TMEM132B: variants seen among roughly 807,000 people sequenced by gnomAD.
TMEM132B encodes transmembrane protein 132B.
TMEM132B carries 18 observed loss-of-function variants against 90.8 expected under a neutral mutation model. The observed-to-expected ratio is 0.20, with a 90% confidence interval of 0.14 to 0.29. TMEM132B has a LOEUF of 0.29. TMEM132B is among the 10% of genes least tolerant of loss of function. TMEM132B has a pLI of 1.00. For missense variants in TMEM132B, 1,096 were observed against 1,326.8 expected (o/e 0.83, Z 2.70); for synonymous variants, 504 against 523.3 (o/e 0.96, Z 0.50).
At chr12:125,252,846 G>A (rs1242258729) in intron 1 of TMEM132B, among the ~76,000 whole-genome samples, 1 of 152,146 alleles carries the variant, frequency 6.6e-6, no homozygotes, top group Non-Finnish European at 1.5e-5. Context: ...GCACTCGCTG[G>A]GGAAAAGCTC....
At chr12:125,338,353 C>G (rs904796505) in intron 1 of TMEM132B, among the ~76,000 whole-genome samples, 3 of 152,226 alleles carry the variant, frequency 2.0e-5, no homozygotes. Flanking sequence ...TGCACAGTGG[C>G]TGCTCTGTCA....
intron 2 of TMEM132B, among the ~76,000 whole-genome samples, chr12:125,370,574 T>C (rs1255465771): frequency 1.3e-5 from 2 of 152,198 alleles, no homozygotes; most frequent in African/African-American, 4.8e-5. Context: ...AGGGTTTTCC[T>C]TCTTTCTTTT....
At chr12:125,227,111 C>T (rs1873700458) in intron 1 of TMEM132B, among the ~76,000 whole-genome samples, 1 of 152,168 alleles carries the variant, frequency 6.6e-6, no homozygotes, top group African/African-American at 2.4e-5. Context: ...GGTGGGTTCA[C>T]TCCAAAGTGA....
rs1413696573 is a variant in TMEM132B at position 125,453,827 on chromosome 12, C to G, written c.1106+38150C>G. ...AGGGGCAGATGCCTGTCACCAAACC[C>G]CAGAGCATGCAGGATGCTCAGCCTG... is the stretch of plus-strand genomic sequence containing the variant. On this transcript the variant is annotated intron_variant, in intron 3 of 8. Coordinates refer to ENST00000682704, the MANE Select transcript of TMEM132B (RefSeq NM_001366854.1). Among the ~76,000 whole-genome samples the G allele has an allele frequency of 5.3e-5, 8 of 152,176 alleles. No individual in the cohort carries two copies. The East Asian group carries it at 1.5e-3, about 29-fold the overall frequency.
At chr12:125,625,521 A>G (rs996777438) in intron 5 of TMEM132B, among the ~76,000 whole-genome samples, 2 of 152,214 alleles carry the variant, frequency 1.3e-5, no homozygotes, top group Admixed American at 1.3e-4. Context: ...ATTGCTGTGT[A>G]GGATTCCATT....
At chr12:125,337,836 C>A (rs959720078) in intron 1 of TMEM132B, among the ~76,000 whole-genome samples, 12 of 152,204 alleles carry the variant, frequency 7.9e-5, no homozygotes, top group Non-Finnish European at 1.6e-4. Flanking sequence ...TACAGAATAA[C>A]TTTGAAAGAA....
At chr12:125,235,636 C>G (rs187779205) in intron 1 of TMEM132B, among the ~76,000 whole-genome samples, 1 of 152,264 alleles carries the variant, frequency 6.6e-6, no homozygotes, top group African/African-American at 2.4e-5. Context: ...TCTGCCCCAG[C>G]CCCAGCAATC....
At chr12:125,595,737 T>C (rs1885423616) in intron 5 of TMEM132B, among the ~76,000 whole-genome samples, 1 of 152,224 alleles carries the variant, frequency 6.6e-6, no homozygotes, top group Non-Finnish European at 1.5e-5. Flanking sequence ...TGGTAAGTGC[T>C]AGGGCTGGGA....
At chr12:125,477,337 G>A (rs977816725) in intron 3 of TMEM132B, among the ~76,000 whole-genome samples, 3 of 152,108 alleles carry the variant, frequency 2.0e-5, no homozygotes, top group Admixed American at 6.5e-5. Flanking sequence ...AGGAGAAAAA[G>A]GAGTGATACA....
chr12:125,223,681 G>C (rs1271562321), intron 1 of TMEM132B, among the ~76,000 whole-genome samples: 1 of 152,104 alleles, frequency 6.6e-6, no homozygotes, highest in Middle Eastern at 3.4e-3. Context: ...CCCAGCCCTC[G>C]CCAGCCATTA....
chr12:125,528,476 A>G (rs542768119), intron 4 of TMEM132B, among the ~76,000 whole-genome samples: 4 of 152,320 alleles, frequency 2.6e-5, no homozygotes, highest in South Asian at 4.1e-4. Flanking sequence ...AAACCTTACA[A>G]CAAGGCCTGG....
chr12:125,287,886 GAGAC>G (rs1228829375), intron 1 of TMEM132B, among the ~76,000 whole-genome samples: 1 of 151,070 alleles, frequency 6.6e-6, no homozygotes, highest in East Asian at 2.0e-4. Context: ...TCTTTTTTTT[GAGAC>G]AGTGTCTCAC....
intron 1 of TMEM132B, among the ~76,000 whole-genome samples, chr12:125,269,435 A>G (rs1480280161): frequency 6.6e-6 from 1 of 152,176 alleles, no homozygotes; most frequent in African/African-American, 2.4e-5. Context: ...TTTCTTGAAG[A>G]TCAGAGAGCT....
chr12:125,349,515 C>T lies in TMEM132B; in HGVS notation c.131C>T (p.Pro44Leu). ...TTTTCCTCGCTCCCTGCTTACCTCCCCACGAACTTGCACATCTCCAATGCA... is the reference window on the plus strand; with the variant it reads ...TTTTCCTCGCTCCCTGCTTACCTCCTCACGAACTTGCACATCTCCAATGCA... ...QKFSSLPAYL[P>L]TNLHISNAEE... is the part of the protein sequence containing the mutation. Residue 44 changes from proline (P) to leucine (L), a missense_variant, in exon 2 of 9, where the codon CCC becomes CTC. Transcript: ENST00000682704. The surrounding 1 kb of genome is among the most constrained non-coding windows in gnomAD (Gnocchi z 4.1). 2 of 1,614,152 alleles carry T rather than the reference C, an allele frequency of 1.2e-6. No individual in the cohort carries two copies. Among genetic ancestry groups the T allele is most frequent in the South Asian group, 1.1e-5 (1 of 91,082 alleles).
intron 1 of TMEM132B, among the ~76,000 whole-genome samples, chr12:125,267,132 G>A (rs181576214): frequency 2.6e-5 from 4 of 152,130 alleles, no homozygotes; most frequent in African/African-American, 4.8e-5. Flanking sequence ...AGAAAAGACC[G>A]TTTTTTCCCT....
chr12:125,613,643 G>T (rs551124764), intron 5 of TMEM132B, among the ~76,000 whole-genome samples: 3 of 151,892 alleles, frequency 2.0e-5, no homozygotes, highest in South Asian at 4.2e-4. Flanking sequence ...TATAACTTAA[G>T]TCCAGTGAGA....
chr12:125,337,924 GTTC>G (rs1202870292), intron 1 of TMEM132B, among the ~76,000 whole-genome samples: 1 of 152,176 alleles, frequency 6.6e-6, no homozygotes, highest in African/African-American at 2.4e-5. Context: ...TCTGGTTTTA[GTTC>G]TTCTGGTGAT....
chr12:125,403,445 A>C (rs555111480), intron 2 of TMEM132B, among the ~76,000 whole-genome samples: 1 of 152,240 alleles, frequency 6.6e-6, no homozygotes, highest in African/African-American at 2.4e-5. Context: ...CCGCAAACTC[A>C]TTACAGTGGT....
chr12:125,220,823 G>T (rs763340380), intron 1 of TMEM132B, among the ~76,000 whole-genome samples: 2 of 152,162 alleles, frequency 1.3e-5, no homozygotes, highest in Non-Finnish European at 2.9e-5. Context: ...ACCCTTCCAC[G>T]GCTCCCAGCT....
Sources: gnomAD v4.1 joint callset for allele counts (sites outside exome capture counted in the v4.1 genomes callset) on GRCh38, gnomAD v4.1.1 for gene constraint, Gnocchi (gnomAD v3.1) non-coding constraint, MANE v1.5 for transcripts, NCBI Gene and HGNC (gene_info 2026-07-23, HGNC 2026-07-21) for gene names.